The following TMC1 variants were observed in gnomAD, a reference collection of about 807,000 sequenced individuals.
The protein encoded by TMC1 is transmembrane channel-like protein 1.
In TMC1, 84 loss-of-function variants were observed where a neutral mutation model predicts 105.8. That is an observed-to-expected ratio of 0.79 (90% CI 0.67 to 0.95). TMC1 has a LOEUF of 0.95. Among genes scored for constraint, TMC1 ranks in the 40% least tolerant of loss-of-function variants. The probability of loss-of-function intolerance (pLI) is 0.00; values close to 1 mark genes in which losing one functional copy is unlikely to be tolerated. For synonymous variants in TMC1, 315 were observed against 311.5 expected (o/e 1.01, Z -0.12); for missense variants, 817 against 914.1 (o/e 0.89, Z 1.37).
At position 72,627,941 on chromosome 9, in the gene TMC1, T is replaced by C; in HGVS notation, c.-175T>C. The C allele has an allele frequency of 4.7e-6, 2 of 421,190 alleles. No homozygotes were observed. Among genetic ancestry groups the C allele is most frequent in the South Asian group, 3.4e-5 (2 of 58,370 alleles). 26.1% of individuals were successfully genotyped at this position (421,190 alleles called of 1,614,324 possible). A position where few individuals can be genotyped will look rare whatever the true frequency, so the allele number is the denominator to read the frequency against. On this transcript the variant is annotated 5_prime_UTR_variant, in exon 4 of 24. It removes an upstream start codon present in the reference 5' UTR. Coordinates refer to ENST00000297784, the MANE Select transcript of TMC1 (RefSeq NM_138691.3). ...TTTAGGATGCCAGAAGCCTCAAAAA[T>C]GGAAAACCCCCTGTGCTTCACATCT...
At chr9:72,773,877 A>G (rs1002032162) in intron 13 of TMC1, among the ~76,000 whole-genome samples, 1 of 152,188 alleles carries the variant, frequency 6.6e-6, no homozygotes, top group Non-Finnish European at 1.5e-5. Flanking sequence ...TATTTATACA[A>G]TCATTAACAG....
At chr9:72,584,115 T>C (rs1824514078) in intron 2 of TMC1, among the ~76,000 whole-genome samples, 1 of 152,142 alleles carries the variant, frequency 6.6e-6, no homozygotes, top group Non-Finnish European at 1.5e-5. Flanking sequence ...AGGTATTCAA[T>C]TGCAACAAAA....
chr9:72,523,724 A>G (rs1477106872), intron 1 of TMC1, among the ~76,000 whole-genome samples: 18 of 151,902 alleles, frequency 1.2e-4, no homozygotes, highest in Admixed American at 1.1e-3. Context: ...AGGCAGGCAC[A>G]CTCGGGGTAG....
Position 72,788,465 on chromosome 9 carries a change from T to C in TMC1, c.1011T>C (p.Ser337=). The change falls in exon 14 of 24, where the codon TCT becomes TCC. Residue 337 remains serine (S), a synonymous_variant. Coordinates refer to ENST00000297784, the MANE Select transcript of TMC1 (RefSeq NM_138691.3). ...AAACAGCAGACAACAAATTTAATTC[T>C]ATCACAATGAACTTTAAGGTAGAGG... ...NPETADNKFN[S]ITMNFKEAIT... 1 of 1,614,030 alleles carries C rather than the reference T, an allele frequency of 6.2e-7. No homozygotes were observed. The highest frequency in any genetic ancestry group is 8.5e-7 in the Non-Finnish European group (1 of 1,179,902).
At chr9:72,725,325 G>A (rs865972328) in intron 8 of TMC1, among the ~76,000 whole-genome samples, 14 of 77,670 alleles carry the variant, frequency 1.8e-4, no homozygotes, top group East Asian at 1.5e-3. Context: ...ATGTGTGTAT[G>A]TATATATATA....
chr9:72,585,358 G>GCCAGGATGGTCTCAATCT (rs1824539534), intron 2 of TMC1, among the ~76,000 whole-genome samples: 13 of 151,436 alleles, frequency 8.6e-5, no homozygotes. Flanking sequence ...CAGCGTGTTA[G>GCCAGGATGGTCTCAATCT]CCAGGATGGT....
chr9:72,802,685 G>A (rs926835577), intron 17 of TMC1, among the ~76,000 whole-genome samples: 5 of 152,180 alleles, frequency 3.3e-5, no homozygotes, highest in African/African-American at 9.6e-5. Context: ...ATACTTGAAG[G>A]AACTCTTCAA....
At chr9:72,724,576 T>C (rs909060836) in intron 8 of TMC1, among the ~76,000 whole-genome samples, 2 of 152,166 alleles carry the variant, frequency 1.3e-5, no homozygotes, top group African/African-American at 4.8e-5. Context: ...AGTAGCACAG[T>C]ATAAAATGAT....
intron 1 of TMC1, among the ~76,000 whole-genome samples, chr9:72,525,069 C>A (rs931552854): frequency 1.3e-5 from 2 of 152,134 alleles, no homozygotes; most frequent in African/African-American, 4.8e-5. Flanking sequence ...TAAGAAAGGG[C>A]ATATTCAAAA....
chr9:72,772,349 T>C (rs1464259200), intron 12 of TMC1, 64 bp from the exon 13 acceptor site: 1 of 1,603,542 alleles, frequency 6.2e-7, no homozygotes, highest in East Asian at 2.2e-5. Context: ...CTCTTAAGAG[T>C]TGATCTTTTC....
Position 72,623,664 on chromosome 9 carries a change from G to A in TMC1, c.-195-4257G>A, listed in dbSNP as rs374999771. 5.9e-5 allele frequency among the ~76,000 whole-genome samples: 9 copies of A among 152,014 alleles called. No individual in the cohort carries two copies. In the South Asian group the frequency reaches 1.0e-3, roughly 18 times the overall value. On this transcript the variant is annotated intron_variant, in intron 3 of 23. Coordinates refer to ENST00000297784, the MANE Select transcript of TMC1 (RefSeq NM_138691.3). ...GACCCATGCATTTTAGCTACTGGGC[G>A]GCGAACCATGTATCAGCTGTTAGTG... is the stretch of plus-strand genomic sequence containing the variant.
chr9:72,697,574 T>C (rs1310281784), intron 7 of TMC1, among the ~76,000 whole-genome samples: 2 of 152,178 alleles, frequency 1.3e-5, no homozygotes, highest in Admixed American at 6.5e-5. Context: ...ATTTAATTAG[T>C]ATTAGAATTG....
chr9:72,765,497 G>A (rs1333029274), intron 12 of TMC1, among the ~76,000 whole-genome samples: 3 of 151,718 alleles, frequency 2.0e-5, no homozygotes, highest in African/African-American at 7.3e-5. Context: ...AGGCAATTGG[G>A]AAGCGAATTC....
intron 13 of TMC1, among the ~76,000 whole-genome samples, chr9:72,782,178 A>C (rs1828103689): frequency 6.6e-6 from 1 of 152,218 alleles, no homozygotes; most frequent in African/African-American, 2.4e-5. Context: ...AATAAATGTG[A>C]TTTATCACAT....
chr9:72,692,004 T>C (rs1312554815), intron 6 of TMC1, among the ~76,000 whole-genome samples: 1 of 152,174 alleles, frequency 6.6e-6, no homozygotes, highest in Non-Finnish European at 1.5e-5. Flanking sequence ...AGTCCAGTCA[T>C]TTTTTAGAAA....
chr9:72,575,302 TC>T (rs1336155467), intron 1 of TMC1, among the ~76,000 whole-genome samples: 1 of 152,106 alleles, frequency 6.6e-6, no homozygotes, highest in Non-Finnish European at 1.5e-5. Context: ...TGCCTCAGCC[TC>T]CCGAGTAGCT....
chr9:72,615,364 T>C (rs1289445779), intron 2 of TMC1, among the ~76,000 whole-genome samples: 1 of 152,136 alleles, frequency 6.6e-6, no homozygotes, highest in Non-Finnish European at 1.5e-5. Flanking sequence ...ACCCAGACAA[T>C]TTAATTTTAG....
intron 5 of TMC1, chr9:72,651,052 G>A (rs982463604): frequency 2.1e-5 from 3 of 146,122 alleles, no homozygotes; most frequent in Non-Finnish European, 4.5e-5. Context: ...GTATTTCATG[G>A]TGTATTTTAT....
intron 2 of TMC1, among the ~76,000 whole-genome samples, chr9:72,588,417 C>G (rs867021768): frequency 3.9e-5 from 6 of 152,190 alleles, no homozygotes; most frequent in Non-Finnish European, 5.9e-5. Flanking sequence ...CTATAATCAT[C>G]TGAATGCTTG....
Sources: allele counts gnomAD v4.1 joint callset (sites outside exome capture counted in the v4.1 genomes callset), GRCh38; gene constraint gnomAD v4.1.1; transcripts MANE v1.5; gene names NCBI Gene and HGNC (gene_info 2026-07-23, HGNC 2026-07-21).